The following AK7 variants were observed in gnomAD, a reference collection of about 807,000 sequenced individuals.
The protein encoded by AK7 is adenylate kinase 7.
A neutral mutation model predicts 96.6 loss-of-function variants in AK7; 78 were observed. The observed-to-expected ratio is 0.81, with a 90% confidence interval of 0.67 to 0.97. The LOEUF (loss-of-function observed/expected upper bound fraction) is 0.97, where lower values mean the gene tolerates loss of function less well. AK7 is among the 50% of genes least tolerant of loss of function. The probability of loss-of-function intolerance (pLI) is 0.00; values close to 1 mark genes in which losing one functional copy is unlikely to be tolerated. For missense variants in AK7, 855 were observed against 887.9 expected (o/e 0.96, Z 0.47); for synonymous variants, 302 against 317.2 (o/e 0.95, Z 0.51).
chr14:96,461,017 T>G (rs1894222510), intron 12 of AK7, among the ~76,000 whole-genome samples: 1 of 152,240 alleles, frequency 6.6e-6, no homozygotes, highest in Non-Finnish European at 1.5e-5. Context: ...GGTTTCTGCT[T>G]CATTGTGAGC....
chr14:96,402,190 C>T lies in AK7; in HGVS notation c.295-2567C>T, dbSNP rs1017723911. On this transcript the variant is annotated intron_variant, in intron 2 of 17. Transcript: ENST00000267584. ...AAGAAAGTGCATACACAGATGCACA[C>T]ACACACACACACACACACACACACA... is the stretch of plus-strand genomic sequence containing the variant. 1.9e-3 allele frequency among the ~76,000 whole-genome samples: 197 copies of T among 104,716 alleles called. 2 individuals are homozygous for T. Among genetic ancestry groups the T allele is most frequent in the African/African-American group, 7.5e-3 (189 of 25,338 alleles). The allele number at this position is 104,716 out of a possible 152,430, so 68.7% of individuals were successfully genotyped here.
intron 14 of AK7, among the ~76,000 whole-genome samples, chr14:96,476,541 T>A (rs540049134): frequency 5.5e-4 from 83 of 151,548 alleles, no homozygotes; most frequent in East Asian, 1.9e-3. Flanking sequence ...ATTTTTCATG[T>A]GATTCCAGAT....
intron 5 of AK7, chr14:96,424,005 C>T: frequency 2.4e-6 from 2 of 816,562 alleles, no homozygotes; most frequent in South Asian, 2.7e-5. Flanking sequence ...TTGGAGCATC[C>T]GGGTCTGTCA....
chr14:96,401,344 G>A (rs185026466), intron 2 of AK7, among the ~76,000 whole-genome samples: 10 of 152,222 alleles, frequency 6.6e-5, no homozygotes, highest in Admixed American at 5.2e-4. Context: ...CAAACAGATC[G>A]GGGCCTCCTG....
intron 8 of AK7, among the ~76,000 whole-genome samples, chr14:96,448,392 A>T (rs1893367006): frequency 6.6e-6 from 1 of 151,906 alleles, no homozygotes; most frequent in Non-Finnish European, 1.5e-5. Flanking sequence ...CCAGCACTTT[A>T]AGTTCAGGTG....
intron 2 of AK7, chr14:96,398,516 C>T (rs148932970): frequency 6.9e-5 from 35 of 507,360 alleles, no homozygotes; most frequent in African/African-American, 5.6e-4. Context: ...CAGACTCATA[C>T]AGTTCTCCTC....
chr14:96,403,454 A>G (rs1055576159), intron 2 of AK7, among the ~76,000 whole-genome samples: 1 of 152,194 alleles, frequency 6.6e-6, no homozygotes, highest in African/African-American at 2.4e-5. Context: ...AGTTTGTGGC[A>G]GTTTGTTACA....
rs143172089 is a variant in AK7 at position 96,451,428 on chromosome 14, G to A, written c.956G>A (p.Cys319Tyr). The A allele has an allele frequency of 2.5e-6, 4 of 1,570,150 alleles. No homozygotes were observed. In the African/African-American group the frequency reaches 4.1e-5, roughly 16 times the overall value. Residue 319 changes from cysteine (C) to tyrosine (Y), a missense_variant, in exon 10 of 18, where the codon TGT becomes TAT. Cys to Tyr is a radical substitution (Grantham distance 194, BLOSUM62 -2). Transcript: ENST00000267584. ...AYLTKDLTQD[C>Y]LDHLLVNLRM... is the part of the protein sequence containing the mutation. Reference sequence around the variant, plus strand: ...TTGTCCTCTATCTTTCAGCAAGATTGTCTTGACCATTTACTGGTCAACTTA... The same window carrying A: ...TTGTCCTCTATCTTTCAGCAAGATTATCTTGACCATTTACTGGTCAACTTA...
chr14:96,409,852 A>G (rs1383684525), intron 4 of AK7, among the ~76,000 whole-genome samples: 4 of 152,192 alleles, frequency 2.6e-5, no homozygotes, highest in Non-Finnish European at 5.9e-5. Flanking sequence ...TCAGTGCTGA[A>G]TCACGGTACA....
intron 16 of AK7, 50 bp from the exon 17 acceptor site, chr14:96,486,848 C>T: frequency 6.4e-7 from 1 of 1,556,158 alleles, no homozygotes. Context: ...TGTGAGTGTT[C>T]TCCCCTTTCT....
intron 3 of AK7, among the ~76,000 whole-genome samples, chr14:96,405,308 G>C (rs557829680): frequency 6.6e-6 from 1 of 151,850 alleles, no homozygotes; most frequent in Admixed American, 6.6e-5. Context: ...TCAGCCTCTT[G>C]AGTAGCTGGC....
chr14:96,434,726 A>T (rs1381169110), intron 5 of AK7, among the ~76,000 whole-genome samples: 1 of 152,160 alleles, frequency 6.6e-6, no homozygotes, highest in Non-Finnish European at 1.5e-5. Context: ...GCCATCTGGG[A>T]GTCAGGGACT....
At chr14:96,452,569 G>A (rs1337544136) in intron 10 of AK7, among the ~76,000 whole-genome samples, 10 of 152,100 alleles carry the variant, frequency 6.6e-5, no homozygotes, top group South Asian at 2.1e-4. Context: ...CAAGCGATCC[G>A]CCTGCGTTGG....
chr14:96,412,142 C>T (rs1891066440), intron 4 of AK7, among the ~76,000 whole-genome samples: 1 of 151,808 alleles, frequency 6.6e-6, no homozygotes, highest in Non-Finnish European at 1.5e-5. Flanking sequence ...GACTCTAAAT[C>T]GTAATCCCTA....
intron 4 of AK7, among the ~76,000 whole-genome samples, chr14:96,414,232 C>T (rs542617573): frequency 6.6e-6 from 1 of 152,336 alleles, no homozygotes; most frequent in East Asian, 1.9e-4. Flanking sequence ...TGCACACTTG[C>T]ATCAGGCCTG....
At chr14:96,400,030 C>CTTT (rs34001068) in intron 2 of AK7, among the ~76,000 whole-genome samples, 18 of 86,350 alleles carry the variant, frequency 2.1e-4, no homozygotes, top group Non-Finnish European at 3.1e-4. Context: ...CAAAAACAAT[C>CTTT]TTTTTTTTTT....
chr14:96,398,118 CAGAGGA>C lies in AK7; in HGVS notation c.165_170del (p.Glu55_Glu56del), dbSNP rs746369518. On this transcript the variant is annotated inframe_deletion, in exon 2 of 18. Coordinates refer to ENST00000267584, the MANE Select transcript of AK7 (RefSeq NM_152327.5). The stretch of plus-strand genomic sequence containing the variant: ...GTTGGGGCTTCGCTTGAAGAAATTA[CAGAGGA>C]AGAGGAAGAGGAAGATGAAAATAAG... The C allele has an allele frequency of 3.1e-5, 50 of 1,613,986 alleles. 2 individuals carry two copies. Among genetic ancestry groups the C allele is most frequent in the South Asian group, 3.1e-4 (28 of 91,080 alleles).
chr14:96,430,435 A>C (rs1892287361), intron 5 of AK7, among the ~76,000 whole-genome samples: 1 of 151,746 alleles, frequency 6.6e-6, no homozygotes, highest in Non-Finnish European at 1.5e-5. Context: ...TGATCCGCCC[A>C]CCTCTGTCTC....
chr14:96,439,807 C>T (rs1220420877), intron 6 of AK7, among the ~76,000 whole-genome samples: 3 of 151,870 alleles, frequency 2.0e-5, no homozygotes, highest in Non-Finnish European at 4.4e-5. Flanking sequence ...GCCGCAGGTT[C>T]AAGAGGAACA....
Sources: gnomAD v4.1 joint callset for allele counts (sites outside exome capture counted in the v4.1 genomes callset) on GRCh38, gnomAD v4.1.1 for gene constraint, MANE v1.5 for transcripts, NCBI Gene and HGNC (gene_info 2026-07-23, HGNC 2026-07-21) for gene names.